Variants in TRIO observed in about 807,000 individuals in gnomAD.
TRIO encodes triple functional domain protein.
In TRIO, 58 loss-of-function variants were observed where a neutral mutation model predicts 351.9. The observed-to-expected ratio is 0.16, with a 90% CI of 0.13 to 0.21. TRIO has a LOEUF of 0.21. TRIO is among the 10% of genes least tolerant of loss of function. The pLI is 1.00. For synonymous variants in TRIO, 1,758 were observed against 1,595.7 expected (o/e 1.10, Z -2.42); for missense variants, 3,201 against 4,027.8 (o/e 0.79, Z 5.56).
At chr5:14,145,346 T>C (rs1352024189) in intron 1 of TRIO, among the ~76,000 whole-genome samples, 1 of 152,208 alleles carries the variant, frequency 6.6e-6, no homozygotes, top group African/African-American at 2.4e-5. Context: ...TGATTCATTT[T>C]AGCAGATTGG....
chr5:14,355,433 T>C (rs1743533504), intron 11 of TRIO, among the ~76,000 whole-genome samples: 2 of 152,226 alleles, frequency 1.3e-5, no homozygotes. Context: ...CTGCTCCTCG[T>C]AGTGACGCCT....
chr5:14,228,436 T>C (rs1227484091), intron 1 of TRIO, among the ~76,000 whole-genome samples: 1 of 152,200 alleles, frequency 6.6e-6, no homozygotes, highest in Non-Finnish European at 1.5e-5. Flanking sequence ...GGCTTGAGAA[T>C]GTCACACAGA....
At chr5:14,346,988 T>C (rs1742477402) in intron 11 of TRIO, among the ~76,000 whole-genome samples, 1 of 152,270 alleles carries the variant, frequency 6.6e-6, no homozygotes, top group South Asian at 2.1e-4. Flanking sequence ...TCAGACGTGC[T>C]GACTGACAAA....
chr5:14,349,386 T>G (rs1579395154), intron 11 of TRIO, among the ~76,000 whole-genome samples: 1 of 152,376 alleles, frequency 6.6e-6, no homozygotes, highest in African/African-American at 2.4e-5. Flanking sequence ...ATGTGTGTGT[T>G]TTACCCTATT....
chr5:14,383,214 A>C (rs1746267116), intron 21 of TRIO, among the ~76,000 whole-genome samples: 1 of 152,212 alleles, frequency 6.6e-6, no homozygotes, highest in Non-Finnish European at 1.5e-5. Context: ...TAAAGTCCCA[A>C]GCTATGTCTG....
At chr5:14,358,381 TC>T in intron 12 of TRIO, 34 bp downstream of exon 12, 1 of 1,606,604 alleles carries the variant, frequency 6.2e-7, no homozygotes, top group Non-Finnish European at 8.5e-7. Context: ...CCGAACAGAT[TC>T]TGAAACCCTG....
intron 11 of TRIO, among the ~76,000 whole-genome samples, chr5:14,354,532 G>T (rs190559285): frequency 3.2e-4 from 49 of 152,276 alleles, no homozygotes; most frequent in Non-Finnish European, 6.0e-4. Context: ...GTCAGAGTTG[G>T]CTCCTTTACC....
chr5:14,426,467 A>G (rs1330289765), intron 34 of TRIO, among the ~76,000 whole-genome samples: 1 of 152,238 alleles, frequency 6.6e-6, no homozygotes, highest in Non-Finnish European at 1.5e-5. Flanking sequence ...AGAGGCTCCC[A>G]TCAGGTCAGC....
intron 1 of TRIO, among the ~76,000 whole-genome samples, chr5:14,224,849 C>A (rs1192335578): frequency 1.3e-5 from 2 of 151,924 alleles, no homozygotes; most frequent in Non-Finnish European, 2.9e-5. Context: ...AAGTAGGATA[C>A]CAGAATGCAT....
intron 1 of TRIO, among the ~76,000 whole-genome samples, chr5:14,200,292 C>A (rs1411428692): frequency 6.6e-6 from 1 of 152,194 alleles, no homozygotes; most frequent in Non-Finnish European, 1.5e-5. Flanking sequence ...TGCTTAAGTG[C>A]CACCTGCTCA....
intron 1 of TRIO, among the ~76,000 whole-genome samples, chr5:14,245,521 A>G (rs1263231448): frequency 1.2e-4 from 18 of 152,222 alleles, no homozygotes; most frequent in Admixed American, 1.2e-3. Context: ...GTTTCTTGAG[A>G]GCTGTGCTTG....
intron 1 of TRIO, among the ~76,000 whole-genome samples, chr5:14,144,894 G>C (rs914088972): frequency 1.1e-4 from 16 of 151,276 alleles, no homozygotes; most frequent in African/African-American, 2.9e-4. Flanking sequence ...GCAGCAGCAG[G>C]AGGAGGAGGA....
At chr5:14,349,244 C>A (rs1245995157) in intron 11 of TRIO, among the ~76,000 whole-genome samples, 6 of 136,844 alleles carry the variant, frequency 4.4e-5, no homozygotes, top group Admixed American at 4.3e-4. Flanking sequence ...TTTGTGTGTG[C>A]ACACACGTGA....
rs751661847 is a variant in TRIO, at chr5:14,293,040, G to C, written c.1082G>C (p.Gly361Ala). The C allele has an allele frequency of 3.7e-6, 6 of 1,613,986 alleles. No homozygotes were observed. The highest frequency in any genetic ancestry group is 1.3e-5 in the African/African-American group (1 of 74,894). The change falls in exon 6 of 57, where the codon GGC (glycine) becomes GCC (alanine). Residue 361 changes from glycine (G) to alanine (A), a missense_variant. Coordinates refer to ENST00000344204, the MANE Select transcript of TRIO (RefSeq NM_007118.4). ...KMFDWITHNK[G>A]LFLNSYTEIG... The stretch of plus-strand genomic sequence containing the variant: ...TTTGACTGGATCACACACAACAAAG[G>C]CCTGTTTCTAAACAGCTACACAGAG...
Position 14,387,443 on chromosome 5 carries a change from C to T in TRIO, c.3576C>T (p.Thr1192=). ...TTTCCTGTTGTTTTTTGCAGCAAAC[C>T]AAAGAGAGAGTGAAGCTATTGATAC... ...HEEFQITAKQ[T]KERVKLLIQL... The change falls in exon 22 of 57, where the codon ACC becomes ACT. Residue 1192 remains threonine, a synonymous_variant. Coordinates refer to ENST00000344204, the MANE Select transcript of TRIO (RefSeq NM_007118.4). The T allele has an allele frequency of 1.9e-6, 3 of 1,603,794 alleles. No homozygotes were observed. Among genetic ancestry groups the T allele is most frequent in the Non-Finnish European group, 1.7e-6 (2 of 1,174,758 alleles).
intron 28 of TRIO, among the ~76,000 whole-genome samples, chr5:14,395,454 C>G (rs1333034034): frequency 2.0e-5 from 3 of 152,208 alleles, no homozygotes; most frequent in Non-Finnish European, 1.5e-5. Flanking sequence ...TAAACCTCGC[C>G]TTACTCTGCC....
chr5:14,359,513 C>T lies in TRIO; in HGVS notation c.2373C>T (p.Phe791=), dbSNP rs147805232. 1.1e-4 allele frequency: 171 copies of T among 1,614,006 alleles called. No homozygotes were observed. Among genetic ancestry groups the T allele is most frequent in the African/African-American group, 8.0e-4 (60 of 75,066 alleles). Residue 791 remains phenylalanine, a synonymous_variant, in exon 13 of 57, where the codon TTC becomes TTT. Coordinates refer to ENST00000344204, the MANE Select transcript of TRIO (RefSeq NM_007118.4). ...KLELFLQLRI[F]ERDAIDIISD... is the part of the protein sequence containing the mutation. ...AGCTCTTCCTGCAGCTGCGCATCTT[C>T]GAGAGGGACGCCATCGACGTGAGTG...
chr5:14,500,658 G>A (rs1028275621), intron 53 of TRIO, among the ~76,000 whole-genome samples: 4 of 152,156 alleles, frequency 2.6e-5, no homozygotes, highest in South Asian at 2.1e-4. Flanking sequence ...TTGGGAGGCC[G>A]AGGCAGGTAG....
At chr5:14,334,572 C>A (rs958918010) in intron 10 of TRIO, among the ~76,000 whole-genome samples, 1 of 152,184 alleles carries the variant, frequency 6.6e-6, no homozygotes, top group African/African-American at 2.4e-5. Flanking sequence ...GTCCACAATT[C>A]CAAAACTGTA....
Sources: allele counts gnomAD v4.1 joint callset (sites outside exome capture counted in the v4.1 genomes callset), GRCh38; gene constraint gnomAD v4.1.1; transcripts MANE v1.5; gene names NCBI Gene and HGNC (gene_info 2026-07-23, HGNC 2026-07-21).